The following IHO1 variants were observed in gnomAD, a reference collection of about 807,000 sequenced individuals.
IHO1 encodes the protein interactor of HORMAD1 protein 1.
A neutral mutation model predicts 31.0 loss-of-function variants in IHO1; 13 were observed. The ratio of observed to expected loss-of-function variants is 0.42; its 90% CI spans 0.27 to 0.67. The LOEUF (loss-of-function observed/expected upper bound fraction) is 0.67. Among genes scored for constraint, IHO1 ranks in the 30% least tolerant of loss-of-function variants. The pLI is 0.24. For missense variants in IHO1, 599 were observed against 687.5 expected, an observed-to-expected ratio of 0.87 and a Z score of 1.44; for synonymous variants, 221 against 248.4, an observed-to-expected ratio of 0.89 and a Z score of 1.04.
chr3:49,204,435 G>A (rs1032870752), intron 1 of IHO1, among the ~76,000 whole-genome samples: 1 of 152,148 alleles, frequency 6.6e-6, no homozygotes, highest in Non-Finnish European at 1.5e-5. Flanking sequence ...CACATATGCA[G>A]AGGGACAACT....
Position 49,253,402 on chromosome 3 carries a change from C to T in IHO1, c.533-1988C>T, listed in dbSNP as rs376420291. On this transcript the variant is annotated intron_variant, in intron 6 of 7. Coordinates refer to ENST00000452691, the MANE Select transcript of IHO1 (RefSeq NM_001135197.2). Reference sequence around the variant, plus strand: ...ATCGTGCCACTGCACTCCAGCTAGGCGACAGAATGAGATTCTGTCTCAAAA... The same window carrying T: ...ATCGTGCCACTGCACTCCAGCTAGGTGACAGAATGAGATTCTGTCTCAAAA... 2.6e-5 allele frequency among the ~76,000 whole-genome samples: 4 copies of T among 152,074 alleles called. No individual in the cohort carries two copies. The East Asian group carries it at 5.8e-4, about 22-fold the overall frequency.
intron 6 of IHO1, among the ~76,000 whole-genome samples, chr3:49,251,599 GT>G (rs1017264719): frequency 7.9e-5 from 12 of 151,042 alleles, no homozygotes; most frequent in Admixed American, 4.0e-4. Flanking sequence ...TTAGTTGTTG[GT>G]TTTTTTGTCT....
In IHO1 at chr3:49,257,205, A is replaced by AC. The variant is rs755088774; in HGVS notation, c.1712dup (p.Leu572SerfsTer12). On this transcript the variant is annotated frameshift_variant, in exon 8 of 8. Coordinates refer to ENST00000452691, the MANE Select transcript of IHO1 (RefSeq NM_001135197.2). LOFTEE classifies it high-confidence loss of function. ...TGACCTCAATCTCGGATGTTCAGAG[A>AC]CCCCTCTATGCAAGGAGGCAGGAAA... The AC allele has an allele frequency of 6.2e-7, 1 of 1,613,928 alleles. No homozygotes were observed. The highest frequency in any genetic ancestry group is 1.1e-5 in the South Asian group (1 of 91,064).
chr3:49,196,213 A>T (rs1363172182), upstream of IHO1, among the ~76,000 whole-genome samples: 11 of 137,274 alleles, frequency 8.0e-5, no homozygotes, highest in Admixed American at 7.3e-5. Context: ...CCTGGGCGAC[A>T]GTAAGACTCC....
At chr3:49,236,480 T>C (rs897088850) in intron 2 of IHO1, 68 bp from the exon 3 acceptor site, 19 of 1,184,298 alleles carry the variant, frequency 1.6e-5, no homozygotes, top group Non-Finnish European at 2.3e-5. Flanking sequence ...AATGGACAGC[T>C]GTGAACTATG....
intron 2 of IHO1, among the ~76,000 whole-genome samples, chr3:49,233,077 G>A (rs979371658): frequency 1.1e-4 from 16 of 152,300 alleles, no homozygotes; most frequent in East Asian, 1.9e-4. Context: ...CAGGTGCTGC[G>A]TAACGATTCC....
intron 2 of IHO1, among the ~76,000 whole-genome samples, chr3:49,225,006 G>T (rs1575574955): frequency 6.6e-6 from 1 of 152,170 alleles, no homozygotes; most frequent in Non-Finnish European, 1.5e-5. Flanking sequence ...TATTTTGATA[G>T]CCTCTGTCAC....
At chr3:49,205,638 G>C (rs1026040417) in intron 1 of IHO1, among the ~76,000 whole-genome samples, 1 of 151,382 alleles carries the variant, frequency 6.6e-6, no homozygotes, top group Non-Finnish European at 1.5e-5. Context: ...CTGTTACCCA[G>C]GCTGGAGTGT....
chr3:49,236,691 A>T lies in IHO1; in HGVS notation c.200A>T (p.His67Leu). ...TTGGACTTTGGTGCCCACTTGAGAC[A>T]TTCAAAACAGTCACAACAGAACTAT... Reference protein sequence around the residue: ...APLDFGAHLRHSKQSQQNYLE... With the variant: ...APLDFGAHLRLSKQSQQNYLE... Residue 67 changes from histidine (H) to leucine (L), a missense_variant, in exon 3 of 8, where the codon CAT becomes CTT. Transcript: ENST00000452691. The T allele has an allele frequency of 1.2e-6, 2 of 1,613,984 alleles. No individual in the cohort carries two copies. Among genetic ancestry groups the T allele is most frequent in the Non-Finnish European group, 1.7e-6 (2 of 1,179,968 alleles).
intron 2 of IHO1, among the ~76,000 whole-genome samples, chr3:49,235,231 C>CTT (rs769000160): frequency 4.4e-5 from 6 of 135,016 alleles, no homozygotes; most frequent in Non-Finnish European, 6.5e-5. Flanking sequence ...ATATATAAAT[C>CTT]TTTTTTTTTT....
At chr3:49,204,830 C>T (rs1046920179) in intron 1 of IHO1, among the ~76,000 whole-genome samples, 1 of 152,084 alleles carries the variant, frequency 6.6e-6, no homozygotes, top group African/African-American at 2.4e-5. Flanking sequence ...GAAGATCAGC[C>T]TGGCCAATAT....
At position 49,241,395 on chromosome 3, in the gene IHO1, T is replaced by G. The variant is rs1223915239; in HGVS notation, c.395+6T>G. The G allele has an allele frequency of 6.3e-7, 1 of 1,592,460 alleles. No individual in the cohort carries two copies. Among genetic ancestry groups the G allele is most frequent in the Non-Finnish European group, 8.5e-7 (1 of 1,170,938 alleles). ...GCAAAAGACAAATGTGACAGGTATGTAAACCTTTCAAATGGATGAAAGAAC... is the reference window on the plus strand; with the variant it reads ...GCAAAAGACAAATGTGACAGGTATGGAAACCTTTCAAATGGATGAAAGAAC... On this transcript the variant is annotated splice_donor_region_variant and intron_variant, in intron 4 of 7. Coordinates refer to ENST00000452691, the MANE Select transcript of IHO1 (RefSeq NM_001135197.2).
At chr3:49,201,288 C>T (rs370110308) in intron 1 of IHO1, among the ~76,000 whole-genome samples, 159 of 151,698 alleles carry the variant, frequency 1.0e-3, no homozygotes, top group African/African-American at 3.7e-3. Context: ...CCACCGCACC[C>T]GGCCATTTAC....
chr3:49,240,034 TTTTTC>T (rs562505524), intron 3 of IHO1, among the ~76,000 whole-genome samples: 108 of 152,108 alleles, frequency 7.1e-4, no homozygotes, highest in Middle Eastern at 3.4e-3. Context: ...TTGGTGCTTT[TTTTTC>T]TTTTCTTTTC....
intron 3 of IHO1, among the ~76,000 whole-genome samples, chr3:49,239,282 A>G (rs1351367666): frequency 1.0e-5 from 1 of 95,880 alleles, no homozygotes; most frequent in Non-Finnish European, 2.1e-5. Flanking sequence ...ACACCAAGCT[A>G]ATTTTTTTCT....
intron 4 of IHO1, among the ~76,000 whole-genome samples, chr3:49,242,837 C>A (rs769249339): frequency 9.9e-5 from 15 of 151,976 alleles, no homozygotes; most frequent in Non-Finnish European, 1.6e-4. Context: ...ACAACAACAA[C>A]AAAAAAGAAT....
intron 2 of IHO1, among the ~76,000 whole-genome samples, chr3:49,221,344 T>G (rs530564924): frequency 1.3e-5 from 2 of 151,968 alleles, no homozygotes; most frequent in Non-Finnish European, 2.9e-5. Flanking sequence ...CCTTTAGCTA[T>G]ACACATAGTG....
chr3:49,207,521 G>T (rs1191039736), intron 1 of IHO1, among the ~76,000 whole-genome samples: 2 of 152,018 alleles, frequency 1.3e-5, no homozygotes, highest in Non-Finnish European at 2.9e-5. Context: ...TGGGATTACA[G>T]GTGTGATCTG....
At chr3:49,193,599 A>G (rs2045977431), upstream of IHO1, among the ~76,000 whole-genome samples, 1 of 145,038 alleles carries the variant, frequency 6.9e-6, no homozygotes, top group Admixed American at 7.1e-5. Flanking sequence ...TTGGGAGGCC[A>G]AGGAGGAAGA....
Sources: allele counts gnomAD v4.1 joint callset (sites outside exome capture counted in the v4.1 genomes callset), GRCh38; gene constraint gnomAD v4.1.1; transcripts MANE v1.5; gene names NCBI Gene and HGNC (gene_info 2026-07-23, HGNC 2026-07-21).